The following FGF14 variants were observed in gnomAD, a reference collection of about 807,000 sequenced individuals.
The protein encoded by FGF14 is fibroblast growth factor homologous factor 4.
FGF14 carries 5 observed loss-of-function variants against 25.5 expected under a neutral mutation model. That is an observed-to-expected ratio of 0.20 (90% CI 0.10 to 0.41). FGF14 has a LOEUF of 0.41. Among genes scored for constraint, FGF14 ranks in the 10% least tolerant of loss-of-function variants. The probability of loss-of-function intolerance (pLI) is 1.00; values close to 1 mark genes in which losing one functional copy is unlikely to be tolerated. For missense variants in FGF14, 222 were observed against 320.1 expected, an observed-to-expected ratio of 0.69 and a Z score of 2.34; for synonymous variants, 138 against 118.3, an observed-to-expected ratio of 1.17 and a Z score of -1.08.
intron 1 of FGF14, among the ~76,000 whole-genome samples, chr13:102,047,226 C>A (rs546528453): frequency 1.3e-5 from 2 of 152,140 alleles, no homozygotes; most frequent in African/African-American, 2.4e-5. Context: ...GTCATTTTTG[C>A]TTTATATAAA....
intron 1 of FGF14, among the ~76,000 whole-genome samples, chr13:101,958,232 A>G (rs909252736): frequency 1.1e-4 from 16 of 152,200 alleles, no homozygotes; most frequent in African/African-American, 3.9e-4. Context: ...AGGTGTTTCT[A>G]TTCCTCCAGA....
intron 1 of FGF14, among the ~76,000 whole-genome samples, chr13:102,152,327 G>A (rs1233301142): frequency 1.3e-5 from 2 of 152,174 alleles, no homozygotes; most frequent in African/African-American, 4.8e-5. Context: ...TGCTTAAAGA[G>A]CAGAAATTAC....
chr13:101,986,841 T>C (rs891753578), intron 1 of FGF14, among the ~76,000 whole-genome samples: 2 of 152,102 alleles, frequency 1.3e-5, no homozygotes, highest in African/African-American at 4.8e-5. Flanking sequence ...ATTCCAATAA[T>C]GGCTTTTCAG....
chr13:102,326,704 A>AAGGT (rs1566938990), intron 1 of FGF14, among the ~76,000 whole-genome samples: 107 of 60,094 alleles, frequency 1.8e-3, no homozygotes, highest in African/African-American at 0.01. Flanking sequence ...GGAAGGAAGG[A>AAGGT]AGGAAGGAAG....
intron 1 of FGF14, among the ~76,000 whole-genome samples, chr13:101,909,675 T>A (rs1181685315): frequency 6.6e-6 from 1 of 152,140 alleles, no homozygotes; most frequent in African/African-American, 2.4e-5. Flanking sequence ...ATTGTGGAAG[T>A]CAGTGTGGCG....
rs371408841 is a variant in FGF14, at chr13:102,361,611, CCTT to C, written c.208+39857_208+39859del. Among the ~76,000 whole-genome samples, 577 of 152,300 alleles carry C rather than the reference CCTT, an allele frequency of 3.8e-3. 2 individuals are homozygous for C. The highest frequency in any genetic ancestry group is 0.024 in the Middle Eastern group (7 of 294). On this transcript the variant is annotated intron_variant, in intron 1 of 4. Coordinates refer to the FGF14 transcript ENST00000376131. ...TTTTCTGCACCGTTTGCCACTCCCT[CCTT>C]ATTTGCCTTCCCTGCAAATGCTGTT... is the stretch of plus-strand genomic sequence containing the variant.
At chr13:102,377,303 A>C (rs2058063434) in intron 1 of FGF14, among the ~76,000 whole-genome samples, 1 of 152,188 alleles carries the variant, frequency 6.6e-6, no homozygotes, top group Admixed American at 6.5e-5. Context: ...TAGAGTAAAA[A>C]GCATCAGAGA....
intron 1 of FGF14, among the ~76,000 whole-genome samples, chr13:102,174,397 C>T (rs927276853): frequency 6.6e-6 from 1 of 151,472 alleles, no homozygotes; most frequent in Non-Finnish European, 1.5e-5. Context: ...AACTCCTGAC[C>T]TCAGATGACC....
At chr13:101,927,246 A>G (rs531605850) in intron 1 of FGF14, among the ~76,000 whole-genome samples, 84 of 152,332 alleles carry the variant, frequency 5.5e-4, no homozygotes, top group African/African-American at 1.9e-3. Context: ...TTTGTTTTAT[A>G]TGTATTGTAT....
intron 1 of FGF14, among the ~76,000 whole-genome samples, chr13:101,950,966 C>T (rs907915542): frequency 2.0e-4 from 30 of 152,136 alleles, no homozygotes; most frequent in African/African-American, 4.1e-4. Context: ...GTTTTTGGTA[C>T]GTAAAACTAC....
In FGF14 at chr13:102,043,255, C is replaced by T. The variant is rs144816857; in HGVS notation, c.209-167959G>A. On this transcript the variant is annotated intron_variant, in intron 1 of 4. Coordinates refer to the FGF14 transcript ENST00000376131. ...AATCCGGATAAGCAAAATGAAGCAC[C>T]CAAGGTCACCTTTATATTTTAGTGG... Among the ~76,000 whole-genome samples the T allele has an allele frequency of 8.9e-4, 135 of 152,226 alleles. 2 individuals are homozygous for T. Among genetic ancestry groups the T allele is most frequent in the Middle Eastern group, 6.8e-3 (2 of 294 alleles).
intron 1 of FGF14, among the ~76,000 whole-genome samples, chr13:102,131,552 G>A (rs554311164): frequency 6.6e-6 from 1 of 152,116 alleles, no homozygotes; most frequent in East Asian, 1.9e-4. Context: ...ATGTTATCTG[G>A]CCTGAAATTG....
chr13:102,047,997 C>T (rs1242482411), intron 1 of FGF14, among the ~76,000 whole-genome samples: 1 of 150,358 alleles, frequency 6.7e-6, no homozygotes, highest in Non-Finnish European at 1.5e-5. Context: ...TTTCTAAGCC[C>T]GGTTTATTAT....
At chr13:102,303,971 A>C (rs2055224391) in intron 1 of FGF14, among the ~76,000 whole-genome samples, 1 of 152,158 alleles carries the variant, frequency 6.6e-6, no homozygotes, top group Admixed American at 6.5e-5. Flanking sequence ...TCATTGCTAA[A>C]TGAATGCTGT....
intron 1 of FGF14, among the ~76,000 whole-genome samples, chr13:101,880,749 G>C (rs1040650167): frequency 3.9e-5 from 6 of 152,158 alleles, no homozygotes; most frequent in African/African-American, 1.4e-4. Flanking sequence ...TAAATCCCTT[G>C]ATAATTTGCA....
intron 1 of FGF14, among the ~76,000 whole-genome samples, chr13:102,186,105 G>A (rs1266318962): frequency 6.6e-6 from 1 of 151,842 alleles, no homozygotes; most frequent in East Asian, 1.9e-4. Context: ...TTTTTTCCAG[G>A]TTAAAAAAAT....
chr13:101,843,708 G>T (rs915893214), intron 3 of FGF14, among the ~76,000 whole-genome samples: 7 of 151,942 alleles, frequency 4.6e-5, no homozygotes, highest in Non-Finnish European at 8.8e-5. Flanking sequence ...GCTTCAGGGG[G>T]ATCAGTGAAC....
intron 1 of FGF14, among the ~76,000 whole-genome samples, chr13:102,223,234 T>A (rs1449533792): frequency 6.6e-6 from 1 of 152,140 alleles, no homozygotes; most frequent in Admixed American, 6.6e-5. Flanking sequence ...GGCTGGTGAC[T>A]CTGAAGCAAC....
chr13:102,159,643 T>C (rs1210837012), intron 1 of FGF14, among the ~76,000 whole-genome samples: 1 of 152,194 alleles, frequency 6.6e-6, no homozygotes, highest in African/African-American at 2.4e-5. Context: ...TATTGCCTTA[T>C]GAGATCCTAT....
Sources: gnomAD v4.1 joint callset for allele counts (sites outside exome capture counted in the v4.1 genomes callset) on GRCh38, gnomAD v4.1.1 for gene constraint, MANE v1.5 for transcripts, NCBI Gene and HGNC (gene_info 2026-07-23, HGNC 2026-07-21) for gene names.